The following KANSL1 variants were observed in gnomAD, a reference collection of about 807,000 sequenced individuals.
The protein encoded by KANSL1 is KAT8 regulatory NSL complex subunit 1.
In KANSL1, 22 loss-of-function variants were observed where a neutral mutation model predicts 103.6. That is an observed-to-expected ratio of 0.21 (90% CI 0.15 to 0.30). KANSL1 has a LOEUF of 0.30. KANSL1 is among the 10% of genes least tolerant of loss of function. The probability of loss-of-function intolerance (pLI) is 1.00; values close to 1 mark genes in which losing one functional copy is unlikely to be tolerated. For synonymous variants in KANSL1, 600 were observed against 527.6 expected, an observed-to-expected ratio of 1.14 and a Z score of -1.88; for missense variants, 1,337 against 1,399.8, an observed-to-expected ratio of 0.96 and a Z score of 0.72.
chr17:46,170,332 G>C (rs2046220276), intron 2 of KANSL1: 1 of 155,020 alleles, frequency 6.5e-6, no homozygotes, highest in South Asian at 2.1e-4. Flanking sequence ...ATATTCTGAA[G>C]CATTTTCTAA....
intron 1 of KANSL1, among the ~76,000 whole-genome samples, chr17:46,178,741 G>A (rs1333401469): frequency 3.3e-5 from 5 of 152,182 alleles, no homozygotes; most frequent in South Asian, 2.1e-4. Flanking sequence ...GACTCACAAC[G>A]TATTGCATCA....
chr17:46,077,462 G>A (rs1172116999), intron 4 of KANSL1, among the ~76,000 whole-genome samples: 1 of 152,196 alleles, frequency 6.6e-6, no homozygotes, highest in Non-Finnish European at 1.5e-5. Context: ...TTTTTAAACA[G>A]CATCACAGCT....
At chr17:46,058,781 T>G (rs1388111921) in intron 6 of KANSL1, among the ~76,000 whole-genome samples, 1 of 77,720 alleles carries the variant, frequency 1.3e-5, no homozygotes, top group African/African-American at 3.9e-5. Flanking sequence ...TCTCTCTCTC[T>G]CTCTCTCTCT....
intron 2 of KANSL1, among the ~76,000 whole-genome samples, chr17:46,164,623 G>T (rs919454028): frequency 6.6e-6 from 1 of 152,218 alleles, no homozygotes; most frequent in Non-Finnish European, 1.5e-5. Flanking sequence ...GGCATTAGAA[G>T]AACCAAAGCT....
chr17:46,089,148 T>C (rs1167955072), intron 3 of KANSL1, among the ~76,000 whole-genome samples: 1 of 152,210 alleles, frequency 6.6e-6, no homozygotes, highest in Non-Finnish European at 1.5e-5. Flanking sequence ...ATTGTTTTCG[T>C]TTCTCCTTCT....
intron 1 of KANSL1, among the ~76,000 whole-genome samples, chr17:46,204,293 TTAG>T (rs1475937969): frequency 6.6e-6 from 1 of 151,596 alleles, no homozygotes; most frequent in African/African-American, 2.4e-5. Context: ...TTTTGTATCT[TTAG>T]TCTCTACTAA....
intron 2 of KANSL1, among the ~76,000 whole-genome samples, chr17:46,140,250 A>C (rs2044353175): frequency 6.6e-6 from 1 of 152,222 alleles, no homozygotes; most frequent in South Asian, 2.1e-4. Context: ...TTAAGCTGCA[A>C]ATAAGTTTCC....
At chr17:46,082,415 TC>T in intron 4 of KANSL1, 25 bp downstream of exon 4, 1 of 1,449,736 alleles carries the variant, frequency 6.9e-7, no homozygotes, top group Non-Finnish European at 9.7e-7. Context: ...CTCACGCATT[TC>T]CCCCTTTCTA....
chr17:46,168,520 T>C (rs1893346205), intron 2 of KANSL1, among the ~76,000 whole-genome samples: 1 of 152,196 alleles, frequency 6.6e-6, no homozygotes, highest in Admixed American at 6.5e-5. Flanking sequence ...ACTAATTTTG[T>C]ATTTTTAGTA....
rs868719408 is a variant in KANSL1 at position 46,171,783 on chromosome 17, G to A, written c.361C>T (p.Arg121Ter). The A allele has an allele frequency of 1.9e-6, 3 of 1,610,858 alleles. No individual in the cohort carries two copies. The highest frequency in any genetic ancestry group is 2.5e-6 in the Non-Finnish European group (3 of 1,178,380). ...GGCTGTCTCCCCAACAGCTCAGCTC[G>A]GAGTTCATAGGACTGAGATAAGAGA... Reference protein sequence around the residue: ...HPLLSQSYELRAELLGRQPVL... With the variant: ...HPLLSQSYEL Residue 121 changes from arginine to a stop codon, truncating the protein, a stop_gained, in exon 2 of 15, where the codon CGA becomes TGA. Transcript: ENST00000432791. LOFTEE classifies it high-confidence loss of function.
intron 2 of KANSL1, among the ~76,000 whole-genome samples, chr17:46,116,224 ACATACAGT>A (rs1259621790): frequency 1.3e-5 from 2 of 152,218 alleles, no homozygotes; most frequent in African/African-American, 4.8e-5. Flanking sequence ...AAGGAAACAG[ACATACAGT>A]CAAAAAAAAC....
At chr17:46,086,234 T>C (rs1364652172) in intron 3 of KANSL1, among the ~76,000 whole-genome samples, 2 of 152,198 alleles carry the variant, frequency 1.3e-5, no homozygotes, top group Non-Finnish European at 2.9e-5. Flanking sequence ...ACAGAATAAT[T>C]TCTAAATACA....
chr17:46,032,279 C>T lies in KANSL1; in HGVS notation c.2858G>A (p.Gly953Asp). The T allele has an allele frequency of 6.5e-7, 1 of 1,527,414 alleles. No individual in the cohort carries two copies. Among genetic ancestry groups the T allele is most frequent in the African/African-American group, 1.4e-5 (1 of 72,558 alleles). The allele number at this position is 1,527,414 out of a possible 1,614,324, so 94.6% of individuals were successfully genotyped here. A position where few individuals can be genotyped will look rare whatever the true frequency, so the allele number is the denominator to read the frequency against. Reference sequence around the variant, plus strand: ...ACTGCCCAGCTGGGGGGTTGTCCGGCCGTCTGATGACCTGTAGGACCTGCA... The same window carrying T: ...ACTGCCCAGCTGGGGGGTTGTCCGGTCGTCTGATGACCTGTAGGACCTGCA... ...RGSRSYRSSD[G>D]RTTPQLGSAN... The change falls in exon 14 of 15, where the codon GGC becomes GAC. Residue 953 changes from glycine (G) to aspartate (D), a missense_variant. This residue lies in a region of KANSL1 where 780 missense variants were observed against 923.4 expected (regional missense o/e 0.84). Coordinates refer to ENST00000432791, the MANE Select transcript of KANSL1 (RefSeq NM_015443.4).
chr17:46,047,821 A>AC (rs1162013301), intron 7 of KANSL1, among the ~76,000 whole-genome samples: 1 of 149,152 alleles, frequency 6.7e-6, no homozygotes, highest in Non-Finnish European at 1.5e-5. Flanking sequence ...AAAAAAAACA[A>AC]AAAAAAAACT....
intron 3 of KANSL1, among the ~76,000 whole-genome samples, chr17:46,086,336 C>T (rs1489654032): frequency 6.6e-6 from 1 of 152,180 alleles, no homozygotes; most frequent in Non-Finnish European, 1.5e-5. Flanking sequence ...TATAGACCCA[C>T]AGAGGATGTA....
intron 1 of KANSL1, among the ~76,000 whole-genome samples, chr17:46,202,736 C>A (rs1223285250): frequency 6.6e-6 from 1 of 152,170 alleles, no homozygotes; most frequent in African/African-American, 2.4e-5. Flanking sequence ...ATTTTCTCAA[C>A]TGCAATCTTT....
At chr17:46,136,103 C>T (rs1241394471) in intron 2 of KANSL1, among the ~76,000 whole-genome samples, 1 of 152,098 alleles carries the variant, frequency 6.6e-6, no homozygotes, top group Non-Finnish European at 1.5e-5. Flanking sequence ...AGCTGTTAAC[C>T]ACTGAGAAGC....
chr17:46,048,999 C>T (rs7218319), intron 7 of KANSL1, among the ~76,000 whole-genome samples: 34,742 of 151,944 alleles, frequency 0.23, 4,556 homozygotes, highest in African/African-American at 0.33. Context: ...CCCAGCCACT[C>T]GAAGAGTTAG....
At chr17:46,105,935 ACACACACACACACCCCC>A (rs1567680715) in intron 2 of KANSL1, among the ~76,000 whole-genome samples, 1,376 of 89,684 alleles carry the variant, frequency 0.015, 12 homozygotes, top group Admixed American at 0.029. Context: ...ACACACACAC[ACACACACACACACCCCC>A]CCAGAAGGGT....
Sources: allele counts gnomAD v4.1 joint callset (sites outside exome capture counted in the v4.1 genomes callset), GRCh38; gene constraint gnomAD v4.1.1; regional missense constraint gnomAD v4.1.1; transcripts MANE v1.5; gene names NCBI Gene and HGNC (gene_info 2026-07-23, HGNC 2026-07-21).